MICAL3: variants seen among roughly 807,000 people sequenced by gnomAD.
MICAL3 encodes the protein microtubule associated monooxygenase, calponin and LIM domain containing 3.
A neutral mutation model predicts 207.4 loss-of-function variants in MICAL3; 62 were observed. The observed-to-expected ratio is 0.30, with a 90% CI of 0.24 to 0.37. The LOEUF is 0.37. Ranked by LOEUF, MICAL3 falls within the 10% of genes least tolerant of loss-of-function variation. The pLI is 1.00. For missense variants in MICAL3, 2,368 were observed against 2,635.6 expected, an observed-to-expected ratio of 0.90 and a Z score of 2.22; for synonymous variants, 1,077 against 1,069.3, an observed-to-expected ratio of 1.01 and a Z score of -0.14.
At chr22:17,794,182 T>C (rs559699786) in intron 29 of MICAL3, among the ~76,000 whole-genome samples, 2 of 152,344 alleles carry the variant, frequency 1.3e-5, no homozygotes, top group Admixed American at 1.3e-4. Flanking sequence ...CTCCTGCCTC[T>C]ACTCCTTATC....
Position 17,831,930 on chromosome 22 carries a change from C to T in MICAL3, c.2979G>A (p.Glu993=), listed in dbSNP as rs781249705. Residue 993 remains glutamate (E), a synonymous_variant, in exon 21 of 32, where the codon GAG becomes GAA. Coordinates refer to ENST00000441493, the MANE Select transcript of MICAL3 (RefSeq NM_015241.3). ...CATATTCTTCCTCCTCCTCCTCCTC[C>T]TCTTCATTCCCAGGCCCAAAGCTCT... ...ASKSFGPGNE[E]EEEEEEEYEE... is the part of the protein sequence containing the mutation. 5.7e-6 allele frequency: 9 copies of T among 1,570,096 alleles called. No homozygotes were observed. Among genetic ancestry groups the T allele is most frequent in the Non-Finnish European group, 7.8e-6 (9 of 1,157,370 alleles).
intron 1 of MICAL3, among the ~76,000 whole-genome samples, chr22:17,954,211 G>T (rs1375475601): frequency 2.0e-5 from 3 of 152,146 alleles, no homozygotes; most frequent in Non-Finnish European, 4.4e-5. Context: ...ATTATTTGGT[G>T]CTACTTACGA....
intron 1 of MICAL3, among the ~76,000 whole-genome samples, chr22:17,987,984 C>G (rs147562352): frequency 1.8e-4 from 28 of 152,258 alleles, no homozygotes; most frequent in African/African-American, 6.7e-4. Context: ...CACAAACAGG[C>G]GGGCAGGCTG....
At position 17,900,912 on chromosome 22, in the gene MICAL3, T is replaced by A; in HGVS notation, c.777A>T (p.Lys259Asn). The A allele has an allele frequency of 6.2e-7, 1 of 1,614,032 alleles. No individual in the cohort carries two copies. The highest frequency in any genetic ancestry group is 8.5e-7 in the Non-Finnish European group (1 of 1,179,864). ...AAGCCACACCACTGATCTCTTCCAC[T>A]TTAGCTTCTGCTGTTGTATTTCGGT... ...FINRNTTAEAKVEEISGVAFI... is the reference protein window; with the variant it reads ...FINRNTTAEANVEEISGVAFI... The change falls in exon 6 of 32, where the codon AAA becomes AAT. Residue 259 changes from lysine to asparagine, a missense_variant. By Grantham distance (94) the Lys-to-Asn change is moderately conservative (BLOSUM62 0). This residue lies in a region of MICAL3 where 400 missense variants were observed against 547.0 expected (regional missense o/e 0.73). Coordinates refer to ENST00000441493, the MANE Select transcript of MICAL3 (RefSeq NM_015241.3). The surrounding 1 kb of genome is among the most constrained non-coding windows in gnomAD (Gnocchi z 4.0).
At position 18,023,818 on chromosome 22, in the gene MICAL3, G is replaced by T. The variant is rs570264981; in HGVS notation, c.-75+463C>A. Among the ~76,000 whole-genome samples the T allele has an allele frequency of 1.9e-3, 287 of 152,366 alleles. 2 individuals are homozygous for T. Among genetic ancestry groups the T allele is most frequent in the African/African-American group, 6.8e-3 (282 of 41,596 alleles). On this transcript the variant is annotated intron_variant, in intron 1 of 31. Transcript: ENST00000441493. ...CCGGCGTTCCCCGCGCAAAGCAGCCGCTGCTCCTAATGAGCTCATGGGTTC... is the reference window on the plus strand; with the variant it reads ...CCGGCGTTCCCCGCGCAAAGCAGCCTCTGCTCCTAATGAGCTCATGGGTTC...
At chr22:17,863,749 T>C (rs1159380412) in intron 19 of MICAL3, 1 of 985,374 alleles carries the variant, frequency 1.0e-6, no homozygotes, top group Non-Finnish European at 1.2e-6. Context: ...AAGGCCTACA[T>C]GAACCAGCTG....
chr22:17,818,372 A>G lies in MICAL3; in HGVS notation c.4289T>C (p.Leu1430Pro). 1 of 1,605,068 alleles carries G rather than the reference A, an allele frequency of 6.2e-7. No individual in the cohort carries two copies. Among genetic ancestry groups the G allele is most frequent in the South Asian group, 1.1e-5 (1 of 90,838 alleles). Residue 1430 changes from leucine (L) to proline (P), a missense_variant, in exon 26 of 32, where the codon CTG becomes CCG. Coordinates refer to ENST00000441493, the MANE Select transcript of MICAL3 (RefSeq NM_015241.3). ...RELSSSSGLGLHGSSSNMKTL... is the reference protein window; with the variant it reads ...RELSSSSGLGPHGSSSNMKTL... Reference sequence around the variant, plus strand: ...CTTCATGTTGGAGGAGCTCCCGTGCAGGCCCAGGCCAGAGCTGCTGGACAG... The same window carrying G: ...CTTCATGTTGGAGGAGCTCCCGTGCGGGCCCAGGCCAGAGCTGCTGGACAG...
At chr22:17,928,623 C>T (rs145915524) in intron 1 of MICAL3, among the ~76,000 whole-genome samples, 28 of 152,164 alleles carry the variant, frequency 1.8e-4, no homozygotes, top group African/African-American at 6.5e-4. Context: ...ACATGCACCA[C>T]GCTTTGGTGG....
rs142697311 is a variant in MICAL3 at position 17,799,910 on chromosome 22, AAC to A, written c.5651-8611_5651-8610del. ...TAAGAATTACAATCTAAAACACACA[AAC>A]ACACACACACACGCGCGCTGGGAAA... On this transcript the variant is annotated intron_variant, in intron 29 of 31. Coordinates refer to ENST00000441493, the MANE Select transcript of MICAL3 (RefSeq NM_015241.3). Among the ~76,000 whole-genome samples, 35 of 146,608 alleles carry A rather than the reference AAC, an allele frequency of 2.4e-4. No homozygotes were observed. The East Asian group carries it at 2.4e-3, about 10-fold the overall frequency.
chr22:17,849,510 T>A (rs1166910849), intron 19 of MICAL3, among the ~76,000 whole-genome samples: 1 of 151,398 alleles, frequency 6.6e-6, no homozygotes, highest in African/African-American at 2.4e-5. Context: ...AATTTTTGAA[T>A]TTTTTTTAGA....
intron 1 of MICAL3, among the ~76,000 whole-genome samples, chr22:17,926,968 A>G (rs959249085): frequency 6.6e-6 from 1 of 152,194 alleles, no homozygotes; most frequent in Non-Finnish European, 1.5e-5. Context: ...ACCATTTTTA[A>G]TTGTACAATT....
chr22:17,919,936 C>T (rs1008300555), intron 1 of MICAL3, among the ~76,000 whole-genome samples: 2 of 152,238 alleles, frequency 1.3e-5, no homozygotes, highest in Non-Finnish European at 2.9e-5. Context: ...TGCAACAGCC[C>T]CAGCCCACTA....
intron 2 of MICAL3, among the ~76,000 whole-genome samples, 166 bp downstream of exon 2, chr22:17,906,383 T>C (rs1931720100): frequency 6.6e-6 from 1 of 152,136 alleles, no homozygotes. Flanking sequence ...ATCCTCCTCT[T>C]TGGCACCTGG....
rs532485146 is a variant in MICAL3, at chr22:18,002,298, G to A, written c.-75+21983C>T. Among the ~76,000 whole-genome samples, 864 of 151,906 alleles carry A rather than the reference G, an allele frequency of 5.7e-3. 4 individuals are homozygous for A. The highest frequency in any genetic ancestry group is 8.2e-3 in the Non-Finnish European group (560 of 67,940). Reference sequence around the variant, plus strand: ...TCTAGTTGGGAAGCAAAGAGGTTAGGGGGAATTTCAAATTTTTGGAGGAGG... The same window carrying A: ...TCTAGTTGGGAAGCAAAGAGGTTAGAGGGAATTTCAAATTTTTGGAGGAGG... On this transcript the variant is annotated intron_variant, in intron 1 of 31. Transcript: ENST00000441493.
At position 17,900,559 on chromosome 22, in the gene MICAL3, G is replaced by A. The variant is rs769997916; in HGVS notation, c.847+283C>T. Among the ~76,000 whole-genome samples the A allele has an allele frequency of 4.6e-5, 7 of 152,116 alleles. No individual in the cohort carries two copies. Among genetic ancestry groups the A allele is most frequent in the African/African-American group, 1.2e-4 (5 of 41,410 alleles). Reference sequence around the variant, plus strand: ...CGAGGCTGCAGTGAGCCGAGATCACGCCACTGAACTCCAGCCTGGGCAACA... The same window carrying A: ...CGAGGCTGCAGTGAGCCGAGATCACACCACTGAACTCCAGCCTGGGCAACA... On this transcript the variant is annotated intron_variant, in intron 6 of 31. Transcript: ENST00000441493. The surrounding 1 kb of genome is among the most constrained non-coding windows in gnomAD (Gnocchi z 4.0).
intron 1 of MICAL3, among the ~76,000 whole-genome samples, chr22:17,987,397 C>G (rs1233464743): frequency 6.6e-6 from 1 of 152,184 alleles, no homozygotes; most frequent in Non-Finnish European, 1.5e-5. Flanking sequence ...CTGGCAGGAG[C>G]TTTGTGAAGG....
intron 1 of MICAL3, among the ~76,000 whole-genome samples, chr22:17,909,480 G>C (rs1340644078): frequency 2.0e-5 from 3 of 152,218 alleles, no homozygotes; most frequent in Admixed American, 1.3e-4. Context: ...AACTGAGATT[G>C]TGCCACTGCA....
chr22:17,854,923 A>G (rs1925738167), intron 19 of MICAL3, among the ~76,000 whole-genome samples: 1 of 152,204 alleles, frequency 6.6e-6, no homozygotes, highest in South Asian at 2.1e-4. Flanking sequence ...CCCAGGAAGA[A>G]AACTGACGGG....
intron 16 of MICAL3, chr22:17,872,862 T>C (rs1272218472): frequency 6.5e-7 from 1 of 1,543,148 alleles, no homozygotes; most frequent in Non-Finnish European, 9.0e-7. Flanking sequence ...CTTCTATCGG[T>C]TGAAGATTAC....
Sources: gnomAD v4.1 joint callset for allele counts (sites outside exome capture counted in the v4.1 genomes callset) on GRCh38, gnomAD v4.1.1 for gene constraint, gnomAD v4.1.1 regional missense constraint, Gnocchi (gnomAD v3.1) non-coding constraint, MANE v1.5 for transcripts, NCBI Gene and HGNC (gene_info 2026-07-23, HGNC 2026-07-21) for gene names.